The following UBE2E2 variants were observed in gnomAD, a reference collection of about 807,000 sequenced individuals.
UBE2E2 encodes the protein ubiquitin-conjugating enzyme E2 E2.
Under a neutral mutation model 24.7 loss-of-function variants are expected in UBE2E2, and 6 were observed. The ratio of observed to expected loss-of-function variants is 0.24; its 90% CI spans 0.13 to 0.48. The LOEUF (loss-of-function observed/expected upper bound fraction) is 0.48, where lower values mean the gene tolerates loss of function less well. Among genes scored for constraint, UBE2E2 ranks in the 20% least tolerant of loss-of-function variants. The pLI is 0.99. For missense variants in UBE2E2, 169 were observed against 245.0 expected (o/e 0.69, Z 2.07); for synonymous variants, 104 against 83.6 (o/e 1.24, Z -1.33).
intron 3 of UBE2E2, among the ~76,000 whole-genome samples, chr3:23,455,605 C>G (rs1269156508): frequency 1.3e-5 from 2 of 152,086 alleles, no homozygotes; most frequent in Non-Finnish European, 2.9e-5. Flanking sequence ...GGCGGAGGAT[C>G]ACTTGAGCCC....
At chr3:23,256,881 G>A (rs1379252563) in intron 3 of UBE2E2, among the ~76,000 whole-genome samples, 1 of 152,146 alleles carries the variant, frequency 6.6e-6, no homozygotes, top group Non-Finnish European at 1.5e-5. Flanking sequence ...AAAGGCCTCT[G>A]GTCTAGCTTG....
intron 4 of UBE2E2, among the ~76,000 whole-genome samples, chr3:23,508,074 T>C (rs989565358): frequency 9.9e-5 from 15 of 152,222 alleles, no homozygotes; most frequent in Non-Finnish European, 2.2e-4. Flanking sequence ...TGGGCTGTCA[T>C]AGGTTTGCTT....
At chr3:23,321,497 T>C (rs1474427451) in intron 3 of UBE2E2, among the ~76,000 whole-genome samples, 1 of 151,732 alleles carries the variant, frequency 6.6e-6, no homozygotes, top group South Asian at 2.1e-4. Context: ...CATGGAGCTT[T>C]GGGAAGCAGT....
At chr3:23,214,268 TC>T (rs1696411395) in intron 2 of UBE2E2, among the ~76,000 whole-genome samples, 1 of 152,104 alleles carries the variant, frequency 6.6e-6, no homozygotes, top group Admixed American at 6.6e-5. Context: ...CAGTTTTTTT[TC>T]CCTTAGAGAC....
chr3:23,530,668 C>G (rs1575688484), intron 4 of UBE2E2, among the ~76,000 whole-genome samples: 1 of 152,168 alleles, frequency 6.6e-6, no homozygotes, highest in African/African-American at 2.4e-5. Flanking sequence ...TTTGCTATCT[C>G]TGTCATAAGG....
At chr3:23,252,148 T>C (rs935593182) in intron 3 of UBE2E2, among the ~76,000 whole-genome samples, 5 of 152,236 alleles carry the variant, frequency 3.3e-5, no homozygotes, top group African/African-American at 1.2e-4. Context: ...AGGTGATATC[T>C]TGGTGGTTTA....
At chr3:23,254,072 A>G (rs1222981289) in intron 3 of UBE2E2, among the ~76,000 whole-genome samples, 1 of 152,210 alleles carries the variant, frequency 6.6e-6, no homozygotes, top group Non-Finnish European at 1.5e-5. Flanking sequence ...CATGAAAGAG[A>G]CATAACCACA....
intron 3 of UBE2E2, among the ~76,000 whole-genome samples, chr3:23,347,263 T>C (rs888180539): frequency 1.3e-5 from 2 of 152,242 alleles, no homozygotes; most frequent in South Asian, 4.1e-4. Flanking sequence ...CATATGTTTA[T>C]TGTGGCACTA....
intron 3 of UBE2E2, among the ~76,000 whole-genome samples, chr3:23,382,222 C>A (rs1696688443): frequency 8.3e-6 from 1 of 121,062 alleles, no homozygotes; most frequent in Admixed American, 1.2e-4. Flanking sequence ...CGCTCTGTAG[C>A]CCAGGCTGGA....
intron 3 of UBE2E2, among the ~76,000 whole-genome samples, chr3:23,329,408 T>A (rs1357996997): frequency 6.6e-6 from 1 of 152,102 alleles, no homozygotes; most frequent in Non-Finnish European, 1.5e-5. Flanking sequence ...AGTAAATGAG[T>A]GTTTATATTT....
At chr3:23,468,265 A>G (rs1698964759) in intron 3 of UBE2E2, among the ~76,000 whole-genome samples, 1 of 152,110 alleles carries the variant, frequency 6.6e-6, no homozygotes. Flanking sequence ...TGGACTTTCA[A>G]TTGTTAGCAC....
intron 3 of UBE2E2, among the ~76,000 whole-genome samples, chr3:23,401,039 A>C (rs1697210088): frequency 6.6e-6 from 1 of 152,240 alleles, no homozygotes; most frequent in African/African-American, 2.4e-5. Context: ...ATGTTCCTTT[A>C]GAATGGTTGA....
At chr3:23,484,302 C>T (rs1481725440) in intron 3 of UBE2E2, among the ~76,000 whole-genome samples, 1 of 152,198 alleles carries the variant, frequency 6.6e-6, no homozygotes, top group East Asian at 1.9e-4. Flanking sequence ...TAGTTCATGT[C>T]AGAACCTCCT....
At chr3:23,552,405 C>T (rs1695666594) in intron 5 of UBE2E2, among the ~76,000 whole-genome samples, 1 of 152,144 alleles carries the variant, frequency 6.6e-6, no homozygotes, top group Non-Finnish European at 1.5e-5. Flanking sequence ...GCATCATGTA[C>T]CAATTCCCAG....
At chr3:23,236,193 T>C (rs1278143457) in intron 3 of UBE2E2, among the ~76,000 whole-genome samples, 1 of 152,134 alleles carries the variant, frequency 6.6e-6, no homozygotes, top group Non-Finnish European at 1.5e-5. Context: ...TGAGTACATC[T>C]AAAATTAATA....
rs1697258119 is a variant in UBE2E2 at position 23,402,723 on chromosome 3, A to T, written c.228-96885A>T. 5.3e-5 allele frequency among the ~76,000 whole-genome samples: 8 copies of T among 151,656 alleles called. No individual in the cohort carries two copies. In the South Asian group the frequency reaches 1.7e-3, roughly 32 times the overall value. The stretch of plus-strand genomic sequence containing the variant: ...AATACTCTAGTTATATGTTTTAAAT[A>T]GGAATATATAGCAGTAGTACAAAGT... On this transcript the variant is annotated intron_variant, in intron 3 of 5. Coordinates refer to ENST00000396703, the MANE Select transcript of UBE2E2 (RefSeq NM_152653.4).
intron 3 of UBE2E2, among the ~76,000 whole-genome samples, chr3:23,454,967 G>A (rs1657114252): frequency 6.6e-6 from 1 of 152,114 alleles, no homozygotes; most frequent in South Asian, 2.1e-4. Flanking sequence ...AAAAGTCATT[G>A]AAGCCAAGTG....
At chr3:23,275,741 A>G (rs1357988255) in intron 3 of UBE2E2, among the ~76,000 whole-genome samples, 1 of 152,182 alleles carries the variant, frequency 6.6e-6, no homozygotes, top group East Asian at 1.9e-4. Flanking sequence ...GAGAGTTGAA[A>G]GAGGTGGCTT....
chr3:23,368,410 TA>T (rs1696315211), intron 3 of UBE2E2, among the ~76,000 whole-genome samples: 1 of 152,174 alleles, frequency 6.6e-6, no homozygotes, highest in South Asian at 2.1e-4. Context: ...AGGAAATTCG[TA>T]GAGGCAATGA....
Sources: gnomAD v4.1 joint callset for allele counts (sites outside exome capture counted in the v4.1 genomes callset) on GRCh38, gnomAD v4.1.1 for gene constraint, MANE v1.5 for transcripts, NCBI Gene and HGNC (gene_info 2026-07-23, HGNC 2026-07-21) for gene names.